The following MYO1E variants were observed in gnomAD, a reference collection of about 807,000 sequenced individuals.
MYO1E encodes the protein unconventional myosin-Ie.
MYO1E carries 68 observed loss-of-function variants against 151.1 expected under a neutral mutation model. The observed-to-expected ratio is 0.45, with a 90% CI of 0.37 to 0.55. The LOEUF (loss-of-function observed/expected upper bound fraction) is 0.55, where lower values mean the gene tolerates loss of function less well. Among genes scored for constraint, MYO1E ranks in the 20% least tolerant of loss-of-function variants. MYO1E has a pLI of 0.00. For missense variants in MYO1E, 1,363 were observed against 1,389.3 expected, an observed-to-expected ratio of 0.98 and a Z score of 0.30; for synonymous variants, 601 against 501.7, an observed-to-expected ratio of 1.20 and a Z score of -2.64.
chr15:59,250,631 C>CG (rs2080159033), intron 4 of MYO1E, among the ~76,000 whole-genome samples: 1 of 151,502 alleles, frequency 6.6e-6, no homozygotes, highest in Non-Finnish European at 1.5e-5. Flanking sequence ...CTGGCGGGGG[C>CG]GGGGGGTAGT....
intron 1 of MYO1E, among the ~76,000 whole-genome samples, chr15:59,354,950 T>A (rs1187909922): frequency 6.6e-6 from 1 of 152,224 alleles, no homozygotes; most frequent in Admixed American, 6.5e-5. Context: ...AGTGGTTTTA[T>A]CTGAGGGGGC....
chr15:59,284,805 G>C (rs1225680532), intron 1 of MYO1E, among the ~76,000 whole-genome samples: 1 of 151,962 alleles, frequency 6.6e-6, no homozygotes, highest in African/African-American at 2.4e-5. Flanking sequence ...CAGAATAACA[G>C]GCAATTAATC....
chr15:59,210,426 G>A, intron 13 of MYO1E, 88 bp downstream of exon 13: 1 of 943,422 alleles, frequency 1.1e-6, no homozygotes. Context: ...TTGTCACTTT[G>A]CCTGTTCTAA....
intron 1 of MYO1E, among the ~76,000 whole-genome samples, chr15:59,293,601 A>G (rs1411097295): frequency 1.3e-5 from 2 of 152,194 alleles, no homozygotes; most frequent in Non-Finnish European, 2.9e-5. Flanking sequence ...ATATGTATAA[A>G]GCTAATGAAA....
intron 1 of MYO1E, among the ~76,000 whole-genome samples, chr15:59,317,653 G>A (rs1365675138): frequency 1.3e-5 from 2 of 152,094 alleles, no homozygotes; most frequent in Non-Finnish European, 2.9e-5. Context: ...TGGAATTTCT[G>A]TTCTTCGGAA....
Position 59,318,396 on chromosome 15 carries a change from C to T in MYO1E, c.4-45947G>A, listed in dbSNP as rs2080602621. Among the ~76,000 whole-genome samples, 8 of 152,306 alleles carry T rather than the reference C, an allele frequency of 5.3e-5. No homozygotes were observed. In the South Asian group the frequency reaches 1.2e-3, roughly 24 times the overall value. The stretch of plus-strand genomic sequence containing the variant: ...GAAAGCCCCTGCTTTTCCCACCACA[C>T]TGTCCTGGAAATGCTAGACACAACA... On this transcript the variant is annotated intron_variant, in intron 1 of 27. Coordinates refer to ENST00000288235, the MANE Select transcript of MYO1E (RefSeq NM_004998.4).
intron 1 of MYO1E, among the ~76,000 whole-genome samples, chr15:59,371,837 GCCGCCCGCGC>G (rs2080946948): frequency 6.6e-6 from 1 of 151,140 alleles, no homozygotes; most frequent in Non-Finnish European, 1.5e-5. Flanking sequence ...CGGCGTGGTT[GCCGCCCGCGC>G]CCGAGTCTCC....
At chr15:59,259,334 C>T (rs893283916) in intron 3 of MYO1E, among the ~76,000 whole-genome samples, 9 of 152,112 alleles carry the variant, frequency 5.9e-5, no homozygotes, top group Non-Finnish European at 1.3e-4. Flanking sequence ...TTTAAAGTTT[C>T]GATTATGTCA....
intron 18 of MYO1E, among the ~76,000 whole-genome samples, chr15:59,182,036 A>G (rs760377490): frequency 9.9e-5 from 15 of 152,140 alleles, no homozygotes; most frequent in Non-Finnish European, 2.1e-4. Context: ...CGTCTTATGG[A>G]AAATTGTGTT....
intron 17 of MYO1E, among the ~76,000 whole-genome samples, chr15:59,189,003 G>A (rs1293545675): frequency 6.6e-6 from 1 of 152,174 alleles, no homozygotes; most frequent in Admixed American, 6.5e-5. Flanking sequence ...TTTCAAGTGT[G>A]TACATTAAAA....
At chr15:59,139,714 A>T (rs2079397728) in intron 26 of MYO1E, among the ~76,000 whole-genome samples, 1 of 146,906 alleles carries the variant, frequency 6.8e-6, no homozygotes, top group South Asian at 2.2e-4. Context: ...TACTCTGCAG[A>T]CTTCCCTCCT....
In MYO1E at chr15:59,173,760, C is replaced by A. The variant is rs1194926228; in HGVS notation, c.2320G>T (p.Asp774Tyr). 1 of 1,614,166 alleles carries A rather than the reference C, an allele frequency of 6.2e-7. No individual in the cohort carries two copies. The highest frequency in any genetic ancestry group is 1.3e-5 in the African/African-American group (1 of 75,064). The change falls in exon 21 of 28, where the codon GAC (aspartate) becomes TAC (tyrosine). Residue 774 changes from aspartate to tyrosine, a missense_variant. Physicochemically the swap from Asp to Tyr is radical, Grantham distance 160 (BLOSUM62 -3). Transcript: ENST00000288235. The stretch of plus-strand genomic sequence containing the variant: ...TTAGCACGTACCTTGAACCTCCTGT[C>A]ATACTTGGTGACTGTGTCTGCGAAA... ...IDFADTVTKY[D>Y]RRFKGVKRDL...
intron 1 of MYO1E, among the ~76,000 whole-genome samples, chr15:59,286,565 G>T (rs1378383840): frequency 6.6e-6 from 1 of 152,120 alleles, no homozygotes; most frequent in Non-Finnish European, 1.5e-5. Context: ...CTAAGCGGGG[G>T]AAGGGTCTGG....
chr15:59,361,350 G>A (rs1309616658), intron 1 of MYO1E, among the ~76,000 whole-genome samples: 1 of 152,194 alleles, frequency 6.6e-6, no homozygotes, highest in African/African-American at 2.4e-5. Flanking sequence ...AAGAAAAGGT[G>A]GCTAAGCAGA....
intron 1 of MYO1E, among the ~76,000 whole-genome samples, chr15:59,313,506 C>A (rs778564258): frequency 6.6e-6 from 1 of 150,628 alleles, no homozygotes; most frequent in Non-Finnish European, 1.5e-5. Context: ...CACCCCCGCC[C>A]CACCTCCAAC....
chr15:59,344,316 T>G (rs1354977681), intron 1 of MYO1E, among the ~76,000 whole-genome samples: 1 of 152,236 alleles, frequency 6.6e-6, no homozygotes, highest in African/African-American at 2.4e-5. Context: ...CCAAAAGAAC[T>G]CTCTGGATTA....
intron 1 of MYO1E, 149 bp from the exon 2 acceptor site, chr15:59,272,598 G>C: frequency 1.1e-6 from 1 of 914,916 alleles, no homozygotes; most frequent in Non-Finnish European, 1.7e-6. Flanking sequence ...ATAAGATGAG[G>C]ATTCAAGTTC....
At chr15:59,211,459 T>C (rs948501346) in intron 12 of MYO1E, among the ~76,000 whole-genome samples, 24 of 152,080 alleles carry the variant, frequency 1.6e-4, no homozygotes, top group African/African-American at 5.6e-4. Context: ...CTTCTCTAGG[T>C]GATTTCAATC....
intron 18 of MYO1E, among the ~76,000 whole-genome samples, chr15:59,182,757 G>A (rs1596355439): frequency 6.6e-6 from 1 of 152,186 alleles, no homozygotes; most frequent in African/African-American, 2.4e-5. Flanking sequence ...AAGCTGGCAT[G>A]GCACTCGAGA....
Sources: gnomAD v4.1 joint callset for allele counts (sites outside exome capture counted in the v4.1 genomes callset) on GRCh38, gnomAD v4.1.1 for gene constraint, MANE v1.5 for transcripts, NCBI Gene and HGNC (gene_info 2026-07-23, HGNC 2026-07-21) for gene names.